Variants in HECW1 observed in about 807,000 individuals in gnomAD.
HECW1 encodes the protein E3 ubiquitin-protein ligase HECW1.
HECW1 carries 61 observed loss-of-function variants against 182.3 expected under a neutral mutation model. That is an observed-to-expected ratio of 0.33 (90% CI 0.27 to 0.41). The LOEUF (loss-of-function observed/expected upper bound fraction) is 0.41. Among genes scored for constraint, HECW1 ranks in the 10% least tolerant of loss-of-function variants. The pLI, the probability that HECW1 is intolerant of heterozygous loss-of-function variation, is 1.00. For missense variants in HECW1, 1,739 were observed against 2,108.9 expected, an observed-to-expected ratio of 0.82 and a Z score of 3.44; for synonymous variants, 859 against 832.6, an observed-to-expected ratio of 1.03 and a Z score of -0.55.
At chr7:43,287,080 A>G (rs1321965603) in intron 3 of HECW1, among the ~76,000 whole-genome samples, 1 of 152,184 alleles carries the variant, frequency 6.6e-6, no homozygotes, top group Middle Eastern at 3.2e-3. Flanking sequence ...GAACGTAACA[A>G]AGTCCTCATG....
At chr7:43,405,648 A>C (rs2075584152) in intron 7 of HECW1, among the ~76,000 whole-genome samples, 1 of 152,034 alleles carries the variant, frequency 6.6e-6, no homozygotes, top group South Asian at 2.1e-4. Flanking sequence ...GCCCACATCA[A>C]ACTTCCGGCC....
chr7:43,380,014 T>A (rs2152826708), intron 6 of HECW1, among the ~76,000 whole-genome samples: 1 of 152,354 alleles, frequency 6.6e-6, no homozygotes, highest in East Asian at 1.9e-4. Context: ...ACATGGGTTA[T>A]TCCCTGGCTC....
chr7:43,543,220 G>A (rs1276133092), intron 26 of HECW1, among the ~76,000 whole-genome samples: 1 of 152,216 alleles, frequency 6.6e-6, no homozygotes, highest in Admixed American at 6.5e-5. Context: ...AACAGCGGTT[G>A]TTGTGATAGT....
intron 7 of HECW1, among the ~76,000 whole-genome samples, chr7:43,400,458 T>C (rs139018918): frequency 6.6e-6 from 1 of 152,196 alleles, no homozygotes; most frequent in Admixed American, 6.5e-5. Context: ...ACAACAGAAA[T>C]TTTGACTTGA....
Position 43,468,046 on chromosome 7 carries a change from C to T in HECW1, c.2914-874C>T, listed in dbSNP as rs544240087. Among the ~76,000 whole-genome samples the T allele has an allele frequency of 6.1e-4, 93 of 151,994 alleles. 1 individual carries two copies. The highest frequency in any genetic ancestry group is 8.8e-5 in the Non-Finnish European group (6 of 67,938). ...GGTGGCACTGGGCCAGTAGGTGCCA[C>T]TGGCCCAACCCCCCGTCTACACGTG... On this transcript the variant is annotated intron_variant, in intron 15 of 29. Transcript: ENST00000395891.
intron 16 of HECW1, among the ~76,000 whole-genome samples, chr7:43,478,645 A>G (rs1440259727): frequency 2.6e-5 from 4 of 152,216 alleles, no homozygotes; most frequent in South Asian, 2.1e-4. Context: ...GAAAATATGT[A>G]TATATTTGAA....
chr7:43,539,828 A>G (rs1407953776), intron 24 of HECW1, among the ~76,000 whole-genome samples: 1 of 152,196 alleles, frequency 6.6e-6, no homozygotes, highest in Non-Finnish European at 1.5e-5. Context: ...CCAATCTTCT[A>G]TTGGAGTAGA....
chr7:43,303,754 C>G (rs1185908227), intron 3 of HECW1, among the ~76,000 whole-genome samples: 8 of 152,136 alleles, frequency 5.3e-5, no homozygotes, highest in Admixed American at 5.2e-4. Flanking sequence ...GAACAGGTGT[C>G]TGGGAGCTGA....
chr7:43,351,603 C>T (rs1159466249), intron 5 of HECW1, among the ~76,000 whole-genome samples: 3 of 151,656 alleles, frequency 2.0e-5, no homozygotes. Flanking sequence ...GAACATATGC[C>T]TGTATCTGAT....
At chr7:43,265,242 G>A (rs1801646827) in intron 3 of HECW1, among the ~76,000 whole-genome samples, 1 of 152,094 alleles carries the variant, frequency 6.6e-6, no homozygotes, top group Admixed American at 6.6e-5. Flanking sequence ...CCATCTCAGA[G>A]GTAAGGAGAA....
At chr7:43,410,927 ATTTG>A (rs2075780597) in intron 8 of HECW1, among the ~76,000 whole-genome samples, 2 of 151,862 alleles carry the variant, frequency 1.3e-5, no homozygotes, top group South Asian at 2.1e-4. Context: ...GGTTTATTAA[ATTTG>A]TTTATTTTGT....
intron 5 of HECW1, among the ~76,000 whole-genome samples, chr7:43,329,431 A>C (rs1811184401): frequency 6.6e-6 from 1 of 152,110 alleles, no homozygotes; most frequent in Admixed American, 6.6e-5. Context: ...GACCACCAAG[A>C]AACTATGGCA....
chr7:43,369,542 C>T (rs959422649), intron 6 of HECW1, among the ~76,000 whole-genome samples: 2 of 152,140 alleles, frequency 1.3e-5, no homozygotes, highest in Admixed American at 1.3e-4. Flanking sequence ...TGGGAGAGAA[C>T]ACCTTAATCT....
At chr7:43,544,584 T>C (rs1006670103) in intron 26 of HECW1, among the ~76,000 whole-genome samples, 2 of 107,724 alleles carry the variant, frequency 1.9e-5, no homozygotes, top group African/African-American at 6.7e-5. Flanking sequence ...CACATGCCTT[T>C]GACTCAGCAC....
intron 2 of HECW1, among the ~76,000 whole-genome samples, chr7:43,134,459 T>C (rs926850883): frequency 6.0e-5 from 9 of 150,762 alleles, no homozygotes; most frequent in African/African-American, 2.2e-4. Context: ...ACTTCCCACC[T>C]ATAGATTTTT....
chr7:43,555,348 C>A (rs1220617955), intron 29 of HECW1, among the ~76,000 whole-genome samples: 1 of 152,112 alleles, frequency 6.6e-6, no homozygotes, highest in African/African-American at 2.4e-5. Context: ...GGGCTCCAGG[C>A]AGTTTTACAG....
chr7:43,494,573 A>T (rs377085639), intron 19 of HECW1, among the ~76,000 whole-genome samples: 1 of 151,002 alleles, frequency 6.6e-6, no homozygotes, highest in African/African-American at 2.4e-5. Flanking sequence ...GTACAATCTC[A>T]GCTCACTGCA....
intron 4 of HECW1, among the ~76,000 whole-genome samples, chr7:43,319,641 G>A (rs1255052556): frequency 5.5e-5 from 6 of 109,718 alleles, no homozygotes; most frequent in South Asian, 3.4e-4. Context: ...ACAGAGTCTC[G>A]CTATGTAAAC....
At chr7:43,183,881 G>A (rs6463172) in intron 2 of HECW1, among the ~76,000 whole-genome samples, 36,699 of 151,924 alleles carry the variant, frequency 0.24, 4,625 homozygotes, top group Middle Eastern at 0.27. Flanking sequence ...GCTATTTACA[G>A]TATAACAAGT....
Sources: gnomAD v4.1 joint callset for allele counts (sites outside exome capture counted in the v4.1 genomes callset) on GRCh38, gnomAD v4.1.1 for gene constraint, MANE v1.5 for transcripts, NCBI Gene and HGNC (gene_info 2026-07-23, HGNC 2026-07-21) for gene names.